SPEF2: variants seen among roughly 807,000 people sequenced by gnomAD.
SPEF2 encodes the protein sperm flagella and cilia-associated protein 2.
A neutral mutation model predicts 224.6 loss-of-function variants in SPEF2; 187 were observed. That is an observed-to-expected ratio of 0.83 (90% CI 0.74 to 0.94). The LOEUF (loss-of-function observed/expected upper bound fraction) is 0.94. SPEF2 is among the 40% of genes least tolerant of loss of function. The probability of loss-of-function intolerance (pLI) is 0.00; values close to 1 mark genes in which losing one functional copy is unlikely to be tolerated. For missense variants in SPEF2, 2,170 were observed against 2,135.6 expected (o/e 1.02, Z -0.32); for synonymous variants, 715 against 707.3 (o/e 1.01, Z -0.17).
In SPEF2 at chr5:35,748,963, C is replaced by A. The variant is rs909985230; in HGVS notation, c.3331-4661C>A. Reference sequence around the variant, plus strand: ...AATAGTAGCTAACCAAATCCAACAACATATCAAAAAGATAATCCACCATGA... The same window carrying A: ...AATAGTAGCTAACCAAATCCAACAAAATATCAAAAAGATAATCCACCATGA... On this transcript the variant is annotated intron_variant, in intron 23 of 36. Coordinates refer to ENST00000356031, the MANE Select transcript of SPEF2 (RefSeq NM_024867.4). Among the ~76,000 whole-genome samples the A allele has an allele frequency of 2.6e-5, 4 of 152,136 alleles. No homozygotes were observed. In the South Asian group the frequency reaches 6.2e-4, roughly 24 times the overall value.
chr5:35,729,727 G>A (rs73086213), intron 21 of SPEF2, among the ~76,000 whole-genome samples: 2,723 of 152,144 alleles, frequency 0.018, 90 homozygotes, highest in African/African-American at 0.062. Flanking sequence ...GAATTCCTAC[G>A]TGTTGTGGGA....
chr5:35,651,076 G>C (rs1748124061), intron 6 of SPEF2, among the ~76,000 whole-genome samples: 1 of 152,198 alleles, frequency 6.6e-6, no homozygotes, highest in African/African-American at 2.4e-5. Context: ...ATATCAGGAA[G>C]GAAGACAGAC....
rs187063022 is a variant in SPEF2, at chr5:35,640,588, A to G, written c.162-843A>G. Reference sequence around the variant, plus strand: ...GACCTGAGAAGACCTTTAAAAAAGTATATTTAGTCTCATGCTGAGAAGGTT... The same window carrying G: ...GACCTGAGAAGACCTTTAAAAAAGTGTATTTAGTCTCATGCTGAGAAGGTT... On this transcript the variant is annotated intron_variant, in intron 2 of 36. Transcript: ENST00000356031. 2.1e-3 allele frequency among the ~76,000 whole-genome samples: 325 copies of G among 152,306 alleles called. 1 individual carries two copies. Among genetic ancestry groups the G allele is most frequent in the Non-Finnish European group, 2.3e-3 (155 of 68,022 alleles).
intron 24 of SPEF2, among the ~76,000 whole-genome samples, chr5:35,757,043 C>A (rs918280171): frequency 2.1e-5 from 2 of 94,142 alleles, no homozygotes; most frequent in Non-Finnish European, 5.4e-5. Flanking sequence ...AATTAAAAAT[C>A]TTGTTTACTA....
At chr5:35,748,421 A>G (rs1748898209) in intron 23 of SPEF2, among the ~76,000 whole-genome samples, 1 of 152,154 alleles carries the variant, frequency 6.6e-6, no homozygotes, top group Non-Finnish European at 1.5e-5. Context: ...TTGATAGACC[A>G]TTCGCAAGAT....
intron 30 of SPEF2, among the ~76,000 whole-genome samples, chr5:35,780,692 C>T (rs1754221872): frequency 6.6e-6 from 1 of 152,088 alleles, no homozygotes; most frequent in African/African-American, 2.4e-5. Context: ...TTATCCAGGC[C>T]ATTATTTTAC....
At chr5:35,672,017 C>T (rs939124199) in intron 10 of SPEF2, among the ~76,000 whole-genome samples, 1 of 151,532 alleles carries the variant, frequency 6.6e-6, no homozygotes, top group Non-Finnish European at 1.5e-5. Flanking sequence ...TCTTCAAGAA[C>T]TTGTCCTAAA....
intron 33 of SPEF2, among the ~76,000 whole-genome samples, chr5:35,797,997 A>G (rs554231017): frequency 3.9e-4 from 59 of 152,198 alleles, no homozygotes; most frequent in African/African-American, 1.3e-3. Context: ...TCTTCTCTCA[A>G]ACTCCACATC....
chr5:35,634,055 A>T (rs1010321670), intron 2 of SPEF2, among the ~76,000 whole-genome samples: 19 of 152,062 alleles, frequency 1.2e-4, no homozygotes, highest in African/African-American at 4.6e-4. Flanking sequence ...ATAGTTACGA[A>T]CAAAAATATA....
chr5:35,778,357 T>A (rs1044212655), intron 29 of SPEF2, among the ~76,000 whole-genome samples: 30 of 152,156 alleles, frequency 2.0e-4, no homozygotes, highest in African/African-American at 6.3e-4. Context: ...TTAATAACCA[T>A]AAGATAGGGA....
chr5:35,690,519 A>G (rs1184489478), intron 10 of SPEF2, among the ~76,000 whole-genome samples: 3 of 152,156 alleles, frequency 2.0e-5, no homozygotes, highest in African/African-American at 7.2e-5. Context: ...ATTATATTAC[A>G]TGGAAGTCAG....
intron 8 of SPEF2, among the ~76,000 whole-genome samples, chr5:35,662,337 A>G (rs1358238875): frequency 2.6e-5 from 4 of 152,152 alleles, no homozygotes; most frequent in Non-Finnish European, 5.9e-5. Context: ...GACCTTTGTC[A>G]GATGCATAGT....
chr5:35,649,585 G>A (rs1049764036), intron 6 of SPEF2, among the ~76,000 whole-genome samples, 160 bp downstream of exon 6: 6 of 152,168 alleles, frequency 3.9e-5, no homozygotes, highest in African/African-American at 1.2e-4. Context: ...ATGAGCTAAA[G>A]TTCAGATTGT....
chr5:35,700,470 T>C (rs1250481980), intron 15 of SPEF2, 26 bp from the exon 16 acceptor site: 1 of 1,588,108 alleles, frequency 6.3e-7, no homozygotes, highest in Non-Finnish European at 8.6e-7. Flanking sequence ...AACAAAATAT[T>C]CATGAGTTGT....
Position 35,667,344 on chromosome 5 carries a change from G to A in SPEF2, c.1355+85G>A, listed in dbSNP as rs992432248. ...TGTAAAATAGATACTAGGATGATAA[G>A]TAAAGAGAGATAAAAATGATTCATG... On this transcript the variant is annotated intron_variant, in intron 9 of 36. Transcript: ENST00000356031. 16 of 1,170,124 alleles carry A rather than the reference G, an allele frequency of 1.4e-5. No homozygotes were observed. In the African/African-American group the frequency reaches 2.2e-4, roughly 16 times the overall value. The allele number at this position is 1,170,124 out of a possible 1,614,324, so 72.5% of individuals were successfully genotyped here.
intron 19 of SPEF2, among the ~76,000 whole-genome samples, chr5:35,711,605 C>T (rs958270805): frequency 2.1e-5 from 3 of 143,552 alleles, no homozygotes; most frequent in East Asian, 2.1e-4. Context: ...TCCTTCCTTC[C>T]TTACTTCCCT....
intron 5 of SPEF2, among the ~76,000 whole-genome samples, chr5:35,648,660 CAA>C (rs777196338): frequency 3.4e-4 from 51 of 152,060 alleles, no homozygotes; most frequent in Admixed American, 5.9e-4. Flanking sequence ...TTGTAAAACA[CAA>C]AGATGACCTA....
rs760863518 is a variant in SPEF2 at position 35,654,611 on chromosome 5, A to C, written c.863A>C (p.Glu288Ala). Residue 288 changes from glutamate (E) to alanine (A), a missense_variant, in exon 7 of 37, where the codon GAG (glutamate) becomes GCG (alanine). Glu to Ala is a moderately radical substitution (Grantham distance 107, BLOSUM62 -1). Coordinates refer to ENST00000356031, the MANE Select transcript of SPEF2 (RefSeq NM_024867.4). ...TTGTTAAATACTTACTCAGATGACGAGTACATTAAAAAAATCCAGAAGCGC... is the reference window on the plus strand; with the variant it reads ...TTGTTAAATACTTACTCAGATGACGCGTACATTAAAAAAATCCAGAAGCGC... The part of the protein sequence containing the change: ...TDLLNTYSDD[E>A]YIKKIQKRLE... The C allele has an allele frequency of 6.2e-7, 1 of 1,613,916 alleles. No homozygotes were observed. Among genetic ancestry groups the C allele is most frequent in the South Asian group, 1.1e-5 (1 of 91,020 alleles).
intron 6 of SPEF2, among the ~76,000 whole-genome samples, chr5:35,651,081 A>G (rs1748124923): frequency 6.6e-6 from 1 of 152,244 alleles, no homozygotes; most frequent in African/African-American, 2.4e-5. Context: ...AGGAAGGAAG[A>G]CAGACAAAAA....
Sources: gnomAD v4.1 joint callset for allele counts (sites outside exome capture counted in the v4.1 genomes callset) on GRCh38, gnomAD v4.1.1 for gene constraint, MANE v1.5 for transcripts, NCBI Gene and HGNC (gene_info 2026-07-23, HGNC 2026-07-21) for gene names.